Variants in MACROD1 observed in about 807,000 individuals in gnomAD.
MACROD1 encodes mono-ADP ribosylhydrolase 1.
In MACROD1, 31 loss-of-function variants were observed where a neutral mutation model predicts 41.4. The observed-to-expected ratio is 0.75, with a 90% confidence interval of 0.56 to 1.01. MACROD1 has a LOEUF of 1.01. Ranked by LOEUF, MACROD1 falls within the 50% of genes least tolerant of loss-of-function variation. The probability of loss-of-function intolerance (pLI) is 0.00; values close to 1 mark genes in which losing one functional copy is unlikely to be tolerated. For missense variants in MACROD1, 473 were observed against 460.0 expected (o/e 1.03, Z -0.26); for synonymous variants, 252 against 203.4 (o/e 1.24, Z -2.03).
At chr11:64,115,646 G>A (rs569341610) in intron 3 of MACROD1, among the ~76,000 whole-genome samples, 1 of 152,216 alleles carries the variant, frequency 6.6e-6, no homozygotes. Flanking sequence ...TGACAGCTTC[G>A]TTCCCGCAGG....
At chr11:64,142,405 A>G (rs1454343907) in intron 3 of MACROD1, among the ~76,000 whole-genome samples, 1 of 152,178 alleles carries the variant, frequency 6.6e-6, no homozygotes, top group Admixed American at 6.5e-5. Flanking sequence ...AACCCAGGAC[A>G]GAGAGCTACT....
At chr11:64,038,375 G>A (rs571027547) in intron 3 of MACROD1, among the ~76,000 whole-genome samples, 1 of 152,234 alleles carries the variant, frequency 6.6e-6, no homozygotes, top group Non-Finnish European at 1.5e-5. Flanking sequence ...GGTGTTCTGC[G>A]TGTGGGTGCA....
intron 3 of MACROD1, among the ~76,000 whole-genome samples, chr11:64,093,619 G>A (rs954843191): frequency 3.3e-5 from 5 of 152,218 alleles, no homozygotes; most frequent in African/African-American, 9.6e-5. Context: ...GAACAGGTCG[G>A]TCTTCCTTCT....
chr11:64,033,949 G>A lies in MACROD1; in HGVS notation c.518-18668C>T, dbSNP rs549316378. Among the ~76,000 whole-genome samples the A allele has an allele frequency of 5.9e-4, 90 of 152,256 alleles. 1 individual carries two copies. Among genetic ancestry groups the A allele is most frequent in the Non-Finnish European group, 1.2e-3 (81 of 68,032 alleles). On this transcript the variant is annotated intron_variant, in intron 3 of 10. Transcript: ENST00000255681. The stretch of plus-strand genomic sequence containing the variant: ...CCCAAAGCTCTGGGATTACAGGTGT[G>A]AGCCACCATGGCTGGCTCGAAGATA...
chr11:64,021,141 G>A (rs762154504), intron 3 of MACROD1, among the ~76,000 whole-genome samples: 2 of 152,218 alleles, frequency 1.3e-5, no homozygotes, highest in South Asian at 2.1e-4. Context: ...GAAGGAGCCC[G>A]TGGACATTAC....
At chr11:64,060,088 A>G (rs1413762788) in intron 3 of MACROD1, among the ~76,000 whole-genome samples, 1 of 152,268 alleles carries the variant, frequency 6.6e-6, no homozygotes, top group East Asian at 1.9e-4. Flanking sequence ...TAAGCTGCCA[A>G]TAAAAAATTT....
intron 3 of MACROD1, among the ~76,000 whole-genome samples, chr11:64,029,974 G>A (rs566059285): frequency 6.6e-6 from 1 of 152,228 alleles, no homozygotes; most frequent in African/African-American, 2.4e-5. Context: ...GGAAGGAGGG[G>A]CCCATGAGAG....
intron 3 of MACROD1, among the ~76,000 whole-genome samples, chr11:64,121,525 C>T (rs1283977042): frequency 6.6e-6 from 1 of 152,208 alleles, no homozygotes; most frequent in African/African-American, 2.4e-5. Context: ...TGTCACAGCC[C>T]CTCAGCCAGG....
At chr11:64,071,478 A>G (rs1944106474) in intron 3 of MACROD1, among the ~76,000 whole-genome samples, 1 of 152,106 alleles carries the variant, frequency 6.6e-6, no homozygotes, top group Admixed American at 6.5e-5. Flanking sequence ...GAGGCCAAGG[A>G]GAGCATTGTC....
Position 63,999,547 on chromosome 11 carries a change from A to C in MACROD1, c.800T>G (p.Ile267Ser). ...AGACTCACCAAACACGCCGGTGGAG[A>C]TGCAGGGGAACGCCTGGGCGGGGAG... is the stretch of plus-strand genomic sequence containing the variant. ...HRLRSVAFPC[I>S]STGVFGYPCE... The change falls in exon 7 of 11, where the codon ATC becomes AGC. Residue 267 changes from isoleucine (I) to serine (S), a missense_variant. Transcript: ENST00000255681. 6.2e-7 allele frequency: 1 copy of C among 1,609,840 alleles called. No individual in the cohort carries two copies. The highest frequency in any genetic ancestry group is 1.7e-5 in the Admixed American group (1 of 59,584).
chr11:64,061,257 T>C (rs1943897784), intron 3 of MACROD1, among the ~76,000 whole-genome samples: 1 of 152,238 alleles, frequency 6.6e-6, no homozygotes, highest in Non-Finnish European at 1.5e-5. Context: ...CGCGGTGTAA[T>C]TGCTGGCTGT....
chr11:64,018,915 T>TG (rs1001267053), intron 3 of MACROD1, among the ~76,000 whole-genome samples: 2 of 151,912 alleles, frequency 1.3e-5, no homozygotes, highest in African/African-American at 4.8e-5. Context: ...CTGTGTGAGG[T>TG]GGGGGATGGG....
At chr11:64,054,971 T>C (rs1943757953) in intron 3 of MACROD1, among the ~76,000 whole-genome samples, 2 of 152,166 alleles carry the variant, frequency 1.3e-5, no homozygotes, top group Non-Finnish European at 1.5e-5. Flanking sequence ...CAGGATCTCC[T>C]ACCAGCCCTT....
intron 3 of MACROD1, among the ~76,000 whole-genome samples, chr11:64,086,393 C>T (rs539113264): frequency 1.3e-5 from 2 of 152,166 alleles, no homozygotes; most frequent in African/African-American, 4.8e-5. Flanking sequence ...CCCCCGAGCT[C>T]AGAGGATGGA....
chr11:64,007,455 C>T (rs1458310316), intron 4 of MACROD1, among the ~76,000 whole-genome samples: 1 of 152,034 alleles, frequency 6.6e-6, no homozygotes, highest in Non-Finnish European at 1.5e-5. Context: ...GAGGAGAGTC[C>T]GGGATGAGAG....
At chr11:63,999,607 C>T (rs201232991) in intron 6 of MACROD1, 35 bp downstream of exon 6, 2 of 1,609,384 alleles carry the variant, frequency 1.2e-6, no homozygotes, top group Admixed American at 3.4e-5. Context: ...TCACTGCGCC[C>T]CGCCTCCCGC....
In MACROD1 at chr11:64,120,299, T is replaced by C. The variant is rs1945076858; in HGVS notation, c.517+30940A>G. On this transcript the variant is annotated intron_variant, in intron 3 of 10. Transcript: ENST00000255681. This position sits in a 1 kb window ranked among gnomAD's most constrained non-coding sequence, Gnocchi z 4.5. ...AGCGTGGTCACGTTTCACTCGAAAC[T>C]AGACGTGTTTTTCCTTTTCCTGCCT... Among the ~76,000 whole-genome samples the C allele has an allele frequency of 1.3e-5, 2 of 152,206 alleles. No individual in the cohort carries two copies. The highest frequency in any genetic ancestry group is 2.4e-5 in the African/African-American group (1 of 41,468).
chr11:64,164,778 C>A (rs1169107812), intron 1 of MACROD1, among the ~76,000 whole-genome samples: 2 of 150,130 alleles, frequency 1.3e-5, no homozygotes, highest in Admixed American at 1.3e-4. Context: ...GCCAATTAGC[C>A]ACTTCCCTGC....
chr11:64,007,609 A>G (rs1942935189), intron 4 of MACROD1, among the ~76,000 whole-genome samples: 1 of 152,036 alleles, frequency 6.6e-6, no homozygotes. Flanking sequence ...CGCGGTGGGA[A>G]GTTTCCATCA....
Sources: gnomAD v4.1 joint callset for allele counts (sites outside exome capture counted in the v4.1 genomes callset) on GRCh38, gnomAD v4.1.1 for gene constraint, Gnocchi (gnomAD v3.1) non-coding constraint, MANE v1.5 for transcripts, NCBI Gene and HGNC (gene_info 2026-07-23, HGNC 2026-07-21) for gene names.